Variants in EGFLAM observed in about 807,000 individuals in gnomAD.
EGFLAM encodes the protein EGF like, fibronectin type III and laminin G domains.
In EGFLAM, 79 loss-of-function variants were observed where a neutral mutation model predicts 113.1. The ratio of observed to expected loss-of-function variants is 0.70; its 90% confidence interval spans 0.58 to 0.84. The LOEUF (loss-of-function observed/expected upper bound fraction) is 0.84, where lower values mean the gene tolerates loss of function less well. EGFLAM is among the 40% of genes least tolerant of loss of function. The pLI is 0.00. For synonymous variants in EGFLAM, 504 were observed against 487.6 expected (o/e 1.03, Z -0.44); for missense variants, 1,265 against 1,291.6 (o/e 0.98, Z 0.32).
chr5:38,426,494 G>A (rs1416822997), intron 13 of EGFLAM, among the ~76,000 whole-genome samples: 1 of 152,160 alleles, frequency 6.6e-6, no homozygotes, highest in African/African-American at 2.4e-5. Context: ...ATACCATATT[G>A]GGGAAAACTT....
intron 1 of EGFLAM, among the ~76,000 whole-genome samples, chr5:38,289,168 C>T (rs1232853529): frequency 6.6e-6 from 1 of 152,108 alleles, no homozygotes; most frequent in African/African-American, 2.4e-5. Flanking sequence ...ATGATATCAT[C>T]TTCCTTTCAG....
chr5:38,448,109 G>T (rs1421022532), intron 17 of EGFLAM, 192 bp from the exon 18 acceptor site: 2 of 610,714 alleles, frequency 3.3e-6, no homozygotes, highest in African/African-American at 3.7e-5. Context: ...AAAAATGGGG[G>T]AGAAGCCAAC....
intron 1 of EGFLAM, among the ~76,000 whole-genome samples, chr5:38,295,371 G>C (rs1758428378): frequency 6.6e-6 from 1 of 152,196 alleles, no homozygotes; most frequent in Admixed American, 6.5e-5. Flanking sequence ...TCAAGACAGA[G>C]AGAGGTCGTT....
Position 38,418,126 on chromosome 5 carries a change from T to G in EGFLAM, c.1555T>G (p.Tyr519Asp). 1.2e-6 allele frequency: 2 copies of G among 1,614,188 alleles called. No homozygotes were observed. Among genetic ancestry groups the G allele is most frequent in the Non-Finnish European group, 1.7e-6 (2 of 1,180,014 alleles). ...CTATCTTGGTGGCGCTCCCAGCGCT[T>G]ACTGGTTGGTTAGAGCAACAGGGAC... is the stretch of plus-strand genomic sequence containing the variant. ...PLYLGGAPSA[Y>D]WLVRATGTNR... The change falls in exon 12 of 22, where the codon TAC (tyrosine) becomes GAC (aspartate). Residue 519 changes from tyrosine to aspartate, a missense_variant. Tyr to Asp is a radical substitution (Grantham distance 160). Coordinates refer to ENST00000322350, the MANE Select transcript of EGFLAM (RefSeq NM_152403.4).
chr5:38,388,746 T>G (rs1175214290), intron 6 of EGFLAM, among the ~76,000 whole-genome samples: 1 of 139,214 alleles, frequency 7.2e-6, no homozygotes, highest in African/African-American at 2.8e-5. Flanking sequence ...GGCAACAGAG[T>G]GAGACTCTGT....
At chr5:38,343,378 C>T (rs1739392900) in intron 3 of EGFLAM, among the ~76,000 whole-genome samples, 2 of 148,764 alleles carry the variant, frequency 1.3e-5, no homozygotes, top group African/African-American at 5.0e-5. Context: ...TGCACTCTAG[C>T]CTGGGCAACA....
At chr5:38,358,089 A>G (rs1051085442) in intron 5 of EGFLAM, among the ~76,000 whole-genome samples, 1 of 151,466 alleles carries the variant, frequency 6.6e-6, no homozygotes, top group African/African-American at 2.4e-5. Context: ...TCTAGGCTAC[A>G]ATGAGCTATA....
At chr5:38,268,359 T>A (rs1757683515) in intron 1 of EGFLAM, among the ~76,000 whole-genome samples, 2 of 151,922 alleles carry the variant, frequency 1.3e-5, no homozygotes, top group Admixed American at 1.3e-4. Context: ...AATACCACCA[T>A]CTTTAAAATG....
chr5:38,380,865 A>G (rs1740491934), intron 6 of EGFLAM, among the ~76,000 whole-genome samples: 1 of 152,158 alleles, frequency 6.6e-6, no homozygotes, highest in African/African-American at 2.4e-5. Context: ...TAATCAGGAC[A>G]CCAATATTTT....
intron 6 of EGFLAM, chr5:38,399,667 G>A (rs1393273856): frequency 6.6e-6 from 1 of 152,166 alleles, no homozygotes; most frequent in African/African-American, 2.4e-5. Context: ...CCCCACCTCT[G>A]TAGGCAGGGA....
Position 38,464,261 on chromosome 5 carries a change from A to G in EGFLAM, c.*275A>G, listed in dbSNP as rs1461390187. On this transcript the variant is annotated 3_prime_UTR_variant, in exon 22 of 22. Transcript: ENST00000322350. Reference sequence around the variant, plus strand: ...ATGTAGCGGCTGCCAGAGATCACACATCAATGCAAATTCCAGAGCCTGTCT... The same window carrying G: ...ATGTAGCGGCTGCCAGAGATCACACGTCAATGCAAATTCCAGAGCCTGTCT... 2 of 420,668 alleles carry G rather than the reference A, an allele frequency of 4.8e-6. No individual in the cohort carries two copies. Among genetic ancestry groups the G allele is most frequent in the Non-Finnish European group, 8.6e-6 (2 of 232,900 alleles). The allele number at this position is 420,668 out of a possible 1,614,324, so 26.1% of individuals were successfully genotyped here. A position where few individuals can be genotyped will look rare whatever the true frequency, so the allele number is the denominator to read the frequency against.
intron 19 of EGFLAM, among the ~76,000 whole-genome samples, chr5:38,453,400 C>G (rs550075995): frequency 6.6e-6 from 1 of 152,212 alleles, no homozygotes; most frequent in African/African-American, 2.4e-5. Context: ...TACTGACAGC[C>G]CAAGTAGGAT....
intron 6 of EGFLAM, among the ~76,000 whole-genome samples, chr5:38,374,643 A>T (rs775768626): frequency 1.3e-5 from 2 of 152,216 alleles, no homozygotes; most frequent in Admixed American, 1.3e-4. Flanking sequence ...CAGAGGCTGC[A>T]TGATTCCTAA....
At chr5:38,289,572 A>G (rs1401056063) in intron 1 of EGFLAM, among the ~76,000 whole-genome samples, 1 of 152,216 alleles carries the variant, frequency 6.6e-6, no homozygotes, top group Non-Finnish European at 1.5e-5. Flanking sequence ...AGGAAAGTGG[A>G]CAGAAGGATC....
chr5:38,437,835 G>A (rs1442569243), intron 16 of EGFLAM, among the ~76,000 whole-genome samples: 5 of 152,258 alleles, frequency 3.3e-5, no homozygotes, highest in Admixed American at 3.3e-4. Context: ...TATGAAAGTA[G>A]AAACTAGGCC....
At chr5:38,454,264 T>C (rs1645925575) in intron 19 of EGFLAM, among the ~76,000 whole-genome samples, 1 of 151,976 alleles carries the variant, frequency 6.6e-6, no homozygotes, top group African/African-American at 2.4e-5. Context: ...GGGCACCGGG[T>C]CTGATTAGAA....
intron 6 of EGFLAM, among the ~76,000 whole-genome samples, chr5:38,405,872 A>AT (rs1028572414): frequency 2.0e-5 from 3 of 152,174 alleles, no homozygotes; most frequent in African/African-American, 7.2e-5. Flanking sequence ...TCTGATTGAC[A>AT]TTTTTGCCAG....
chr5:38,378,382 G>A (rs1270655149), intron 6 of EGFLAM, among the ~76,000 whole-genome samples: 1 of 152,098 alleles, frequency 6.6e-6, no homozygotes, highest in Non-Finnish European at 1.5e-5. Flanking sequence ...CGAGGATCCC[G>A]GGGTACATGT....
chr5:38,314,498 G>A (rs1738539649), intron 1 of EGFLAM, among the ~76,000 whole-genome samples: 1 of 152,186 alleles, frequency 6.6e-6, no homozygotes, highest in Non-Finnish European at 1.5e-5. Context: ...CTCCTTGCCT[G>A]TCTTTGGACC....
Sources: gnomAD v4.1 joint callset for allele counts (sites outside exome capture counted in the v4.1 genomes callset) on GRCh38, gnomAD v4.1.1 for gene constraint, MANE v1.5 for transcripts, NCBI Gene and HGNC (gene_info 2026-07-23, HGNC 2026-07-21) for gene names.